CDK14: variants seen among roughly 807,000 people sequenced by gnomAD.
The protein encoded by CDK14 is cyclin-dependent kinase 14.
Under a neutral mutation model 60.7 loss-of-function variants are expected in CDK14, and 34 were observed. The ratio of observed to expected loss-of-function variants is 0.56; its 90% CI spans 0.43 to 0.75. CDK14 has a LOEUF of 0.75. CDK14 is among the 30% of genes least tolerant of loss of function. The pLI, the probability that CDK14 is intolerant of heterozygous loss-of-function variation, is 0.00. For missense variants in CDK14, 482 were observed against 564.1 expected (o/e 0.85, Z 1.47); for synonymous variants, 197 against 203.7 (o/e 0.97, Z 0.28).
chr7:90,825,444 A>G (rs2117091122), intron 5 of CDK14, among the ~76,000 whole-genome samples: 1 of 152,352 alleles, frequency 6.6e-6, no homozygotes, highest in Non-Finnish European at 1.5e-5. Flanking sequence ...CATGAAAGTC[A>G]GTAACACCAT....
chr7:91,199,249 A>G (rs949980558), intron 14 of CDK14, among the ~76,000 whole-genome samples: 3 of 152,140 alleles, frequency 2.0e-5, no homozygotes, highest in African/African-American at 4.8e-5. Flanking sequence ...AACTACTTCA[A>G]ACCTCCCAGT....
At chr7:91,025,511 A>G (rs112237613) in intron 10 of CDK14, among the ~76,000 whole-genome samples, 3 of 152,318 alleles carry the variant, frequency 2.0e-5, no homozygotes, top group African/African-American at 7.2e-5. Context: ...GGTTCATGGA[A>G]TGAGAAAGTG....
intron 10 of CDK14, among the ~76,000 whole-genome samples, chr7:91,043,236 A>AGCCAGGAAAACAATGT (rs1797138246): frequency 6.6e-6 from 1 of 152,250 alleles, no homozygotes. Flanking sequence ...GCATTGTAGA[A>AGCCAGGAAAACAATGT]ACAGAGGCAG....
At position 90,836,309 on chromosome 7, in the gene CDK14, T is replaced by G. The variant is rs1280992939; in HGVS notation, c.545-26866T>G. The stretch of plus-strand genomic sequence containing the variant: ...GCCTAGATGTACAAAAAATATCTTT[T>G]TTCTTTATATCCTTATTCTATAAGC... On this transcript the variant is annotated intron_variant, in intron 5 of 14. Transcript: ENST00000380050. Among the ~76,000 whole-genome samples the G allele has an allele frequency of 3.3e-5, 5 of 152,216 alleles. No individual in the cohort carries two copies. In the South Asian group the frequency reaches 1.0e-3, roughly 31 times the overall value.
In CDK14 at chr7:90,899,312, A is replaced by G. The variant is rs2117352180; in HGVS notation, c.661A>G (p.Met221Val). 1.2e-6 allele frequency: 2 copies of G among 1,603,316 alleles called. No individual in the cohort carries two copies. Among genetic ancestry groups the G allele is most frequent in the Non-Finnish European group, 1.7e-6 (2 of 1,175,590 alleles). Reference protein sequence around the residue: ...EYVHTDLCQYMDKHPGGLHPD... With the variant: ...EYVHTDLCQYVDKHPGGLHPD... Reference sequence around the variant, plus strand: ...CTAGCACACTGATTTATGTCAGTACATGGACAAGCACCCTGGGGGGCTGCA... The same window carrying G: ...CTAGCACACTGATTTATGTCAGTACGTGGACAAGCACCCTGGGGGGCTGCA... Residue 221 changes from methionine (M) to valine (V), a missense_variant, in exon 7 of 15, where the codon ATG becomes GTG. Met to Val is a conservative substitution (Grantham distance 21). Coordinates refer to ENST00000380050, the MANE Select transcript of CDK14 (RefSeq NM_001287135.2).
chr7:90,807,830 G>A (rs1583990841), intron 5 of CDK14, among the ~76,000 whole-genome samples: 1 of 152,166 alleles, frequency 6.6e-6, no homozygotes. Flanking sequence ...ACAAGCCTCA[G>A]TAGCCAATTC....
chr7:90,839,823 A>T (rs766358444), intron 5 of CDK14, among the ~76,000 whole-genome samples: 4 of 152,128 alleles, frequency 2.6e-5, no homozygotes, highest in African/African-American at 7.2e-5. Flanking sequence ...GCTTGTGTGC[A>T]TAGTGAAGTT....
At chr7:91,106,635 C>G (rs562441352) in intron 12 of CDK14, among the ~76,000 whole-genome samples, 1 of 151,856 alleles carries the variant, frequency 6.6e-6, no homozygotes, top group South Asian at 2.1e-4. Context: ...TTAAAGTATT[C>G]CAATATTTTT....
At chr7:90,971,172 GT>G (rs1794918700) in intron 9 of CDK14, among the ~76,000 whole-genome samples, 1 of 141,492 alleles carries the variant, frequency 7.1e-6, no homozygotes, top group African/African-American at 2.6e-5. Context: ...TTTTTGTCTC[GT>G]TTTAAAGATA....
intron 5 of CDK14, among the ~76,000 whole-genome samples, chr7:90,796,807 A>G (rs1042698789): frequency 1.3e-5 from 2 of 151,138 alleles, no homozygotes; most frequent in Non-Finnish European, 2.9e-5. Context: ...AGTGCAGCTC[A>G]CAAGAGTTTA....
intron 8 of CDK14, among the ~76,000 whole-genome samples, chr7:90,933,279 C>CA (rs565640721): frequency 0.18 from 15,549 of 88,382 alleles, 933 homozygotes; most frequent in East Asian, 0.3. Context: ...AACCCTGTCT[C>CA]AAAAAAAAAA....
intron 1 of CDK14, among the ~76,000 whole-genome samples, chr7:90,598,933 T>G (rs2116302156): frequency 6.6e-6 from 1 of 152,016 alleles, no homozygotes; most frequent in South Asian, 2.1e-4. Context: ...CTCGATCTCC[T>G]GACCTCGTGA....
chr7:91,096,662 T>C (rs1799001763), intron 12 of CDK14, among the ~76,000 whole-genome samples: 1 of 152,236 alleles, frequency 6.6e-6, no homozygotes, highest in East Asian at 1.9e-4. Flanking sequence ...TTCCCTAAAT[T>C]TGAAGTCTTG....
At chr7:90,863,322 T>G (rs1362743789) in intron 6 of CDK14, 53 bp downstream of exon 6, 5 of 1,093,012 alleles carry the variant, frequency 4.6e-6, no homozygotes, top group Non-Finnish European at 6.8e-6. Flanking sequence ...AATGAAATTC[T>G]TATAGTGTTG....
chr7:91,024,115 ATG>A (rs1796505942), intron 10 of CDK14, among the ~76,000 whole-genome samples: 1 of 52,524 alleles, frequency 1.9e-5, no homozygotes, highest in South Asian at 5.0e-4. Context: ...ATCCAAAATG[ATG>A]ATGATGATGA....
intron 10 of CDK14, among the ~76,000 whole-genome samples, chr7:91,008,127 C>CAAAAAAAAAAAAAAAAAAA (rs56082719): frequency 1.6e-5 from 1 of 62,586 alleles, no homozygotes; most frequent in African/African-American, 6.0e-5. Flanking sequence ...GGGAGAAGGC[C>CAAAAAAAAAAAAAAAAAAA]AAAAAAAAAA....
At chr7:90,788,494 G>GC (rs1431324353) in intron 4 of CDK14, among the ~76,000 whole-genome samples, 3 of 152,144 alleles carry the variant, frequency 2.0e-5, no homozygotes, top group African/African-American at 7.2e-5. Context: ...CAGAAAAGCA[G>GC]CAGGCCTGTC....
chr7:91,126,906 A>AGGT (rs747547021), intron 14 of CDK14, among the ~76,000 whole-genome samples: 81 of 151,706 alleles, frequency 5.3e-4, no homozygotes, highest in Non-Finnish European at 9.9e-4. Context: ...AATGATTGGC[A>AGGT]GGTTAGAGGA....
intron 4 of CDK14, among the ~76,000 whole-genome samples, chr7:90,781,267 G>A (rs932269649): frequency 3.0e-4 from 45 of 152,104 alleles, no homozygotes; most frequent in Non-Finnish European, 3.1e-4. Context: ...GGGGTTGTTC[G>A]TTTTTTTCTT....
Sources: gnomAD v4.1 joint callset for allele counts (sites outside exome capture counted in the v4.1 genomes callset) on GRCh38, gnomAD v4.1.1 for gene constraint, MANE v1.5 for transcripts, NCBI Gene and HGNC (gene_info 2026-07-23, HGNC 2026-07-21) for gene names.